Variants in GUCY1A2 observed in about 807,000 individuals in gnomAD.
The protein encoded by GUCY1A2 is guanylate cyclase 1 soluble subunit alpha 2.
Under a neutral mutation model 63.5 loss-of-function variants are expected in GUCY1A2, and 27 were observed. The ratio of observed to expected loss-of-function variants is 0.43; its 90% confidence interval spans 0.31 to 0.59. The LOEUF (loss-of-function observed/expected upper bound fraction) is 0.59. Ranked by LOEUF, GUCY1A2 falls within the 20% of genes least tolerant of loss-of-function variation. The pLI is 0.11. For missense variants in GUCY1A2, 768 were observed against 913.3 expected, an observed-to-expected ratio of 0.84 and a Z score of 2.05; for synonymous variants, 364 against 343.5, an observed-to-expected ratio of 1.06 and a Z score of -0.66.
rs542746036 is a variant in GUCY1A2 at position 106,788,761 on chromosome 11, G to A, written c.1693-12179C>T. ...TCTCTGTTCTGTTCCACTGGTCAATGTGTTGGTCTTTATGCCAGTACCACG... is the reference window on the plus strand; with the variant it reads ...TCTCTGTTCTGTTCCACTGGTCAATATGTTGGTCTTTATGCCAGTACCACG... On this transcript the variant is annotated intron_variant, in intron 5 of 7. Coordinates refer to ENST00000526355, the MANE Select transcript of GUCY1A2 (RefSeq NM_000855.3). 5.9e-5 allele frequency among the ~76,000 whole-genome samples: 9 copies of A among 152,280 alleles called. No homozygotes were observed. The South Asian group carries it at 1.7e-3, about 28-fold the overall frequency.
chr11:106,703,993 C>T (rs923961254), intron 7 of GUCY1A2, among the ~76,000 whole-genome samples: 8 of 151,960 alleles, frequency 5.3e-5, no homozygotes, highest in African/African-American at 1.7e-4. Context: ...AATTTTTAAT[C>T]ATATGACTAT....
chr11:106,815,213 C>G (rs1858815016), intron 4 of GUCY1A2, among the ~76,000 whole-genome samples: 1 of 151,774 alleles, frequency 6.6e-6, no homozygotes, highest in Non-Finnish European at 1.5e-5. Context: ...GAATTGAGGA[C>G]AGCTTAATAG....
At position 106,933,589 on chromosome 11, in the gene GUCY1A2, A is replaced by G. The variant is rs113115273; in HGVS notation, c.1206+5871T>C. On this transcript the variant is annotated intron_variant, in intron 4 of 7. Transcript: ENST00000526355. ...TACCATTTGACCTAGCAATTGCATT[A>G]CTGGTTATATATCCAAAAGAAAATA... is the stretch of plus-strand genomic sequence containing the variant. 1.8e-3 allele frequency among the ~76,000 whole-genome samples: 269 copies of G among 152,316 alleles called. 1 individual carries two copies. The highest frequency in any genetic ancestry group is 6.2e-3 in the African/African-American group (256 of 41,580).
intron 3 of GUCY1A2, among the ~76,000 whole-genome samples, chr11:106,977,918 GA>G (rs141732297): frequency 2.4e-4 from 36 of 151,774 alleles, no homozygotes; most frequent in African/African-American, 8.0e-4. Context: ...AAGACATTAG[GA>G]AAAAAAATAT....
chr11:106,735,543 G>C (rs938940073), intron 6 of GUCY1A2, among the ~76,000 whole-genome samples: 1 of 152,022 alleles, frequency 6.6e-6, no homozygotes, highest in Non-Finnish European at 1.5e-5. Flanking sequence ...TTTGTCTGTG[G>C]ACAGGTTGAA....
intron 4 of GUCY1A2, among the ~76,000 whole-genome samples, chr11:106,877,381 C>T (rs946710677): frequency 7.9e-5 from 12 of 152,174 alleles, no homozygotes; most frequent in Non-Finnish European, 1.8e-4. Context: ...ATAATGCTAC[C>T]TGACTTCAAA....
At chr11:106,851,512 G>C (rs1859354837) in intron 4 of GUCY1A2, among the ~76,000 whole-genome samples, 1 of 151,834 alleles carries the variant, frequency 6.6e-6, no homozygotes, top group Admixed American at 6.6e-5. Flanking sequence ...ACTCCATCTT[G>C]AGTTGGTTTC....
intron 4 of GUCY1A2, among the ~76,000 whole-genome samples, chr11:106,907,146 T>C (rs1591322625): frequency 6.6e-6 from 1 of 152,132 alleles, no homozygotes; most frequent in Non-Finnish European, 1.5e-5. Context: ...ACTCCATTTC[T>C]GAGCCTCCTG....
chr11:106,825,579 T>A (rs1241028571), intron 4 of GUCY1A2, among the ~76,000 whole-genome samples: 1 of 151,950 alleles, frequency 6.6e-6, no homozygotes, highest in African/African-American at 2.4e-5. Context: ...CTATATTTTT[T>A]CTTTTGACAT....
chr11:106,835,019 T>C (rs528368614), intron 4 of GUCY1A2, among the ~76,000 whole-genome samples: 46 of 151,910 alleles, frequency 3.0e-4, no homozygotes, highest in African/African-American at 8.7e-4. Flanking sequence ...AAGTCAAATA[T>C]AAGGTAACAA....
chr11:106,750,076 C>A, intron 6 of GUCY1A2, among the ~76,000 whole-genome samples: 1 of 152,048 alleles, frequency 6.6e-6, no homozygotes, highest in East Asian at 1.9e-4. Flanking sequence ...GACTCAAAAC[C>A]AGAAAAGCTG....
intron 6 of GUCY1A2, among the ~76,000 whole-genome samples, chr11:106,726,590 C>A (rs80246583): frequency 0.03 from 4,509 of 152,066 alleles, 104 homozygotes; most frequent in South Asian, 0.07. Context: ...ACACTACAGG[C>A]TAAAAGTTTT....
At chr11:106,760,206 C>CA (rs1283444842) in intron 6 of GUCY1A2, among the ~76,000 whole-genome samples, 1 of 152,080 alleles carries the variant, frequency 6.6e-6, no homozygotes, top group Non-Finnish European at 1.5e-5. Flanking sequence ...TTTGTTATGT[C>CA]AGGCACAGAA....
chr11:106,723,682 G>C lies in GUCY1A2; in HGVS notation c.1837-15016C>G, dbSNP rs1044924523. Reference sequence around the variant, plus strand: ...TATTAAAAGTACAAAAATTAGCTGGGCATGGTGGCGCATGCCTGTAGTCCC... The same window carrying C: ...TATTAAAAGTACAAAAATTAGCTGGCCATGGTGGCGCATGCCTGTAGTCCC... On this transcript the variant is annotated intron_variant, in intron 6 of 7. Transcript: ENST00000526355. Among the ~76,000 whole-genome samples, 4 of 152,298 alleles carry C rather than the reference G, an allele frequency of 2.6e-5. No homozygotes were observed. The South Asian group carries it at 8.3e-4, about 32-fold the overall frequency.
intron 6 of GUCY1A2, among the ~76,000 whole-genome samples, chr11:106,762,931 T>C (rs958200978): frequency 2.6e-5 from 4 of 152,112 alleles, no homozygotes; most frequent in African/African-American, 9.6e-5. Context: ...TTTTATTCTG[T>C]GCAGTTGTAG....
intron 7 of GUCY1A2, among the ~76,000 whole-genome samples, chr11:106,688,858 A>G (rs1862572954): frequency 6.6e-6 from 1 of 152,210 alleles, no homozygotes; most frequent in Admixed American, 6.5e-5. Flanking sequence ...AAACAAGAAT[A>G]TTGTAAAGTT....
chr11:107,017,730 C>A (rs1396639740), intron 1 of GUCY1A2, 23 bp downstream of exon 1: 1 of 1,327,190 alleles, frequency 7.5e-7, no homozygotes, highest in Non-Finnish European at 9.8e-7. Flanking sequence ...CGAAGGCGGT[C>A]CCCCCTTCCG....
intron 4 of GUCY1A2, among the ~76,000 whole-genome samples, chr11:106,897,513 G>C (rs988196901): frequency 1.3e-5 from 2 of 151,558 alleles, no homozygotes; most frequent in Non-Finnish European, 2.9e-5. Flanking sequence ...TTGATCAATA[G>C]AACAGAATAA....
At chr11:106,964,506 C>A (rs1023696094) in intron 3 of GUCY1A2, among the ~76,000 whole-genome samples, 1 of 152,120 alleles carries the variant, frequency 6.6e-6, no homozygotes, top group Admixed American at 6.5e-5. Flanking sequence ...ATGAAGTGTG[C>A]ATTAATAGAA....
Sources: gnomAD v4.1 joint callset for allele counts (sites outside exome capture counted in the v4.1 genomes callset) on GRCh38, gnomAD v4.1.1 for gene constraint, MANE v1.5 for transcripts, NCBI Gene and HGNC (gene_info 2026-07-23, HGNC 2026-07-21) for gene names.